Variants in KANSL3 observed in about 807,000 individuals in gnomAD.
KANSL3 encodes KAT8 regulatory NSL complex subunit 3.
In KANSL3, 16 loss-of-function variants were observed where a neutral mutation model predicts 89.2. The ratio of observed to expected loss-of-function variants is 0.18; its 90% CI spans 0.12 to 0.27. The LOEUF is 0.27. KANSL3 is among the 10% of genes least tolerant of loss of function. The pLI is 1.00. For missense variants in KANSL3, 879 were observed against 1,110.6 expected (o/e 0.79, Z 2.96); for synonymous variants, 385 against 419.7 (o/e 0.92, Z 1.01).
At chr2:96,620,505 T>C (rs1179522846) in intron 3 of KANSL3, among the ~76,000 whole-genome samples, 1 of 152,156 alleles carries the variant, frequency 6.6e-6, no homozygotes, top group African/African-American at 2.4e-5. Flanking sequence ...GTTGCAGACA[T>C]CTATCCTACT....
At chr2:96,616,372 C>T (rs2070115951) in intron 5 of KANSL3, among the ~76,000 whole-genome samples, 1 of 152,218 alleles carries the variant, frequency 6.6e-6, no homozygotes. Flanking sequence ...AAAATCAATA[C>T]TGACTTTTCC....
At chr2:96,595,666 C>T (rs767952485) in intron 20 of KANSL3, 35 bp from the exon 21 acceptor site, 3 of 1,612,524 alleles carry the variant, frequency 1.9e-6, no homozygotes, top group Admixed American at 1.7e-5. Flanking sequence ...AGGGTCAAAG[C>T]TTTGACAGGT....
the KANSL3 span, among the ~76,000 whole-genome samples, chr2:96,580,882 CCT>C: frequency 6.6e-6 from 1 of 152,190 alleles, no homozygotes; most frequent in African/African-American, 2.4e-5. Context: ...AACTGCACTC[CCT>C]GAGTGAGGCC....
At position 96,593,224 on chromosome 2, in the gene KANSL3, A is replaced by G. The variant is rs1190080286; in HGVS notation, c.*2387T>C. The G allele has an allele frequency of 2.2e-6, 1 of 455,294 alleles. No individual in the cohort carries two copies. The highest frequency in any genetic ancestry group is 4.4e-6 in the Non-Finnish European group (1 of 226,514). The allele number at this position is 455,294 out of a possible 1,614,324, so 28.2% of individuals were successfully genotyped here. Reference sequence around the variant, plus strand: ...GTTAATGTAAAAACAGAACCATCACAGCCGCTCAGCTCTATAACCCATCCA... The same window carrying G: ...GTTAATGTAAAAACAGAACCATCACGGCCGCTCAGCTCTATAACCCATCCA... On this transcript the variant is annotated 3_prime_UTR_variant, in exon 21 of 21. Coordinates refer to ENST00000431828, the MANE Select transcript of KANSL3 (RefSeq NM_001115016.3).
chr2:96,601,638 C>T lies in KANSL3; in HGVS notation c.2616+5G>A, dbSNP rs1255365035. ...CATGTCCTCAGTCCTTCCTGGCAGA[C>T]TCACCTGTGAGCTGGAGGGCAGCAC... On this transcript the variant is annotated splice_donor_5th_base_variant and intron_variant, in intron 20 of 20. Coordinates refer to ENST00000431828, the MANE Select transcript of KANSL3 (RefSeq NM_001115016.3). 1.2e-6 allele frequency: 2 copies of T among 1,613,160 alleles called. No individual in the cohort carries two copies. Among genetic ancestry groups the T allele is most frequent in the Non-Finnish European group, 8.5e-7 (1 of 1,179,598 alleles).
chr2:96,632,035 G>C (rs2073478555), intron 2 of KANSL3, among the ~76,000 whole-genome samples: 1 of 152,068 alleles, frequency 6.6e-6, no homozygotes, highest in Non-Finnish European at 1.5e-5. Context: ...GACAGAGCAA[G>C]ACCTGGTCTC....
chr2:96,602,941 C>T, intron 17 of KANSL3, 79 bp from the exon 18 acceptor site: 2 of 1,328,856 alleles, frequency 1.5e-6, no homozygotes, highest in Non-Finnish European at 2.1e-6. Context: ...CATCCACCCT[C>T]ACCACCAACT....
chr2:96,583,957 T>C, the KANSL3 span, among the ~76,000 whole-genome samples: 1 of 152,236 alleles, frequency 6.6e-6, no homozygotes, highest in Non-Finnish European at 1.5e-5. Context: ...ATTTTACTCA[T>C]GACCAGTGAT....
chr2:96,595,527 C>A lies in KANSL3; in HGVS notation c.*84G>T. The A allele has an allele frequency of 6.8e-7, 1 of 1,481,186 alleles. No individual in the cohort carries two copies. The highest frequency in any genetic ancestry group is 9.4e-7 in the Non-Finnish European group (1 of 1,068,702). The allele number at this position is 1,481,186 out of a possible 1,614,324, so 91.8% of individuals were successfully genotyped here. A position where few individuals can be genotyped will look rare whatever the true frequency, so the allele number is the denominator to read the frequency against. ...AACAGGTCTTCCGACACGTGGACAG[C>A]TCAGCAGGACCACACACCTGTCCAG... is the stretch of plus-strand genomic sequence containing the variant. On this transcript the variant is annotated 3_prime_UTR_variant, in exon 21 of 21. Transcript: ENST00000431828.
chr2:96,633,416 AC>A (rs2073767281), intron 2 of KANSL3, among the ~76,000 whole-genome samples: 1 of 152,060 alleles, frequency 6.6e-6, no homozygotes, highest in Non-Finnish European at 1.5e-5. Flanking sequence ...CTTAAAAAAA[AC>A]AAAAATTAGG....
At chr2:96,588,981 G>A (rs1424641159), downstream of KANSL3, among the ~76,000 whole-genome samples, 1 of 152,208 alleles carries the variant, frequency 6.6e-6, no homozygotes, top group East Asian at 1.9e-4. Flanking sequence ...AGTTATACTA[G>A]AGGTGGAAGA....
intron 19 of KANSL3, 58 bp from the exon 20 acceptor site, chr2:96,601,834 G>T: frequency 6.7e-7 from 1 of 1,496,140 alleles, no homozygotes. Context: ...TTCTACTGAG[G>T]CTTTCCTTTC....
chr2:96,606,152 G>A (rs1273671602), intron 14 of KANSL3: 1 of 152,378 alleles, frequency 6.6e-6, no homozygotes, highest in South Asian at 2.1e-4. Flanking sequence ...AGGAGAGAGA[G>A]TACCTCAACC....
At chr2:96,602,046 A>G (rs532698235) in intron 19 of KANSL3, 70 bp downstream of exon 19, 35 of 1,425,348 alleles carry the variant, frequency 2.5e-5, no homozygotes, top group Non-Finnish European at 3.2e-5. Flanking sequence ...CCTTGCCCAC[A>G]TGAGATGGGA....
chr2:96,589,760 C>T (rs2066260764), downstream of KANSL3, among the ~76,000 whole-genome samples: 1 of 152,140 alleles, frequency 6.6e-6, no homozygotes, highest in African/African-American at 2.4e-5. Context: ...CCACAGAATA[C>T]ATACCAAGAT....
the KANSL3 span, among the ~76,000 whole-genome samples, chr2:96,585,912 T>C: frequency 6.6e-6 from 1 of 152,160 alleles, no homozygotes; most frequent in Admixed American, 6.5e-5. Context: ...AGCTAAGCTA[T>C]AAGGACACAA....
intron 2 of KANSL3, among the ~76,000 whole-genome samples, chr2:96,636,306 C>G (rs1431575330): frequency 6.6e-6 from 1 of 152,142 alleles, no homozygotes; most frequent in African/African-American, 2.4e-5. Context: ...TTTATTTAGA[C>G]CAAATGTAAC....
At chr2:96,612,218 T>C in intron 9 of KANSL3, 64 bp downstream of exon 9, 1 of 1,121,298 alleles carries the variant, frequency 8.9e-7, no homozygotes, top group Non-Finnish European at 1.4e-6. Flanking sequence ...AAGGACTCAA[T>C]GGTAGCTATG....
At chr2:96,621,157 A>C (rs943212146) in intron 3 of KANSL3, among the ~76,000 whole-genome samples, 1 of 152,238 alleles carries the variant, frequency 6.6e-6, no homozygotes, top group Non-Finnish European at 1.5e-5. Context: ...TGATCCCTAC[A>C]TATCATTCTA....
Sources: allele counts gnomAD v4.1 joint callset (sites outside exome capture counted in the v4.1 genomes callset), GRCh38; gene constraint gnomAD v4.1.1; transcripts MANE v1.5; gene names NCBI Gene and HGNC (gene_info 2026-07-23, HGNC 2026-07-21).